DCDC2: variants seen among roughly 807,000 people sequenced by gnomAD.
DCDC2 encodes the protein doublecortin domain containing 2.
In DCDC2, 40 loss-of-function variants were observed where a neutral mutation model predicts 50.2. The observed-to-expected ratio is 0.80, with a 90% CI of 0.62 to 1.04. DCDC2 has a LOEUF of 1.04. Among genes scored for constraint, DCDC2 ranks in the 50% least tolerant of loss-of-function variants. DCDC2 has a pLI of 0.00. For synonymous variants in DCDC2, 234 were observed against 210.6 expected, an observed-to-expected ratio of 1.11 and a Z score of -0.96; for missense variants, 570 against 581.9, an observed-to-expected ratio of 0.98 and a Z score of 0.21.
At chr6:24,204,324 C>T (rs1335716079) in intron 8 of DCDC2, among the ~76,000 whole-genome samples, 5 of 152,134 alleles carry the variant, frequency 3.3e-5, no homozygotes, top group Non-Finnish European at 5.9e-5. Context: ...AGGATGTGTT[C>T]GTGTCTTTTG....
intron 7 of DCDC2, among the ~76,000 whole-genome samples, chr6:24,270,439 A>G (rs1219351254): frequency 6.6e-6 from 1 of 152,120 alleles, no homozygotes; most frequent in East Asian, 1.9e-4. Context: ...TTCAATTGTC[A>G]CCATAATATA....
At chr6:24,204,877 GC>G (rs1488847533) in intron 8 of DCDC2, 124 bp downstream of exon 8, 1 of 851,678 alleles carries the variant, frequency 1.2e-6, no homozygotes, top group Non-Finnish European at 1.8e-6. Context: ...AGGTTGATCA[GC>G]CACATAGTAC....
intron 7 of DCDC2, among the ~76,000 whole-genome samples, chr6:24,254,578 G>T (rs1762855042): frequency 6.6e-6 from 1 of 152,076 alleles, no homozygotes; most frequent in East Asian, 1.9e-4. Flanking sequence ...GCACATGGCT[G>T]CATAGTACAT....
At chr6:24,230,913 GC>G (rs780022797) in intron 7 of DCDC2, among the ~76,000 whole-genome samples, 4 of 152,162 alleles carry the variant, frequency 2.6e-5, no homozygotes, top group African/African-American at 4.8e-5. Flanking sequence ...GCTCTACCTA[GC>G]CCATTTAAAT....
At chr6:24,281,013 C>T (rs1431453505) in intron 6 of DCDC2, among the ~76,000 whole-genome samples, 1 of 152,078 alleles carries the variant, frequency 6.6e-6, no homozygotes, top group Admixed American at 6.5e-5. Context: ...CTGGGGAAAG[C>T]ATTACTCACA....
chr6:24,238,454 A>C (rs934139007), intron 7 of DCDC2, among the ~76,000 whole-genome samples: 3 of 151,326 alleles, frequency 2.0e-5, no homozygotes, highest in Admixed American at 6.6e-5. Flanking sequence ...ATGCACCACC[A>C]TGCCCAGCTA....
intron 8 of DCDC2, among the ~76,000 whole-genome samples, chr6:24,194,066 C>T (rs926214093): frequency 1.3e-4 from 19 of 151,990 alleles, no homozygotes; most frequent in Non-Finnish European, 2.8e-4. Flanking sequence ...AAGAACCAAG[C>T]ACCTCAGATG....
intron 7 of DCDC2, among the ~76,000 whole-genome samples, chr6:24,236,791 C>T (rs1331884104): frequency 6.6e-6 from 1 of 152,078 alleles, no homozygotes; most frequent in Non-Finnish European, 1.5e-5. Flanking sequence ...GGGTGGATCA[C>T]CTGAGGTCAG....
intron 9 of DCDC2, among the ~76,000 whole-genome samples, chr6:24,176,368 C>G (rs1296513263): frequency 2.6e-5 from 4 of 152,046 alleles, no homozygotes; most frequent in Non-Finnish European, 4.4e-5. Context: ...TATTTGAATT[C>G]CCAAGAATTT....
upstream of DCDC2, among the ~76,000 whole-genome samples, chr6:24,359,444 A>ATTATATATT (rs1561789647): frequency 4.4e-5 from 3 of 67,986 alleles, no homozygotes; most frequent in Non-Finnish European, 7.4e-5. Flanking sequence ...TATACTATAT[A>ATTATATATT]GTATATATAT....
chr6:24,376,281 A>G, the DCDC2 span, among the ~76,000 whole-genome samples: 1 of 152,318 alleles, frequency 6.6e-6, no homozygotes, highest in South Asian at 2.1e-4. Flanking sequence ...TTTGTACTGT[A>G]TGTAAAATGT....
intron 7 of DCDC2, among the ~76,000 whole-genome samples, chr6:24,257,818 A>G (rs1463881810): frequency 6.6e-6 from 1 of 152,174 alleles, no homozygotes; most frequent in Non-Finnish European, 1.5e-5. Flanking sequence ...CTTGGAGACC[A>G]TCTGGAAAAA....
chr6:24,181,072 T>C (rs1237087726), intron 8 of DCDC2, among the ~76,000 whole-genome samples: 1 of 152,180 alleles, frequency 6.6e-6, no homozygotes, highest in African/African-American at 2.4e-5. Flanking sequence ...ACCGTGAGCC[T>C]AGGCTGTTCA....
At chr6:24,291,859 G>T (rs1561761531) in intron 4 of DCDC2, among the ~76,000 whole-genome samples, 1 of 152,158 alleles carries the variant, frequency 6.6e-6, no homozygotes, top group Non-Finnish European at 1.5e-5. Flanking sequence ...TTCTGTGTAA[G>T]AACAGCCCTC....
At position 24,301,701 on chromosome 6, in the gene DCDC2, T is replaced by C. The variant is rs775645058; in HGVS notation, c.557+14A>G. ...TTCAAAAACTCCTCCACTTACAAGA[T>C]TGTTTTGACATACCTGTGAACAGCC... On this transcript the variant is annotated intron_variant, in intron 4 of 9. Coordinates refer to ENST00000378454, the MANE Select transcript of DCDC2 (RefSeq NM_016356.5). The C allele has an allele frequency of 2.7e-5, 43 of 1,611,864 alleles. 1 individual carries two copies. The South Asian group carries it at 4.3e-4, about 16-fold the overall frequency.
the DCDC2 span, among the ~76,000 whole-genome samples, chr6:24,366,521 G>T: frequency 6.6e-6 from 1 of 152,168 alleles, no homozygotes; most frequent in East Asian, 1.9e-4. Flanking sequence ...TATCTTCCAT[G>T]GGTCTTCTAG....
chr6:24,264,863 T>C (rs750246740), intron 7 of DCDC2, among the ~76,000 whole-genome samples: 5 of 151,018 alleles, frequency 3.3e-5, no homozygotes, highest in Non-Finnish European at 1.5e-5. Context: ...GACAATCTGT[T>C]ACCTACAAGA....
At chr6:24,274,605 C>CAAAAAAAAAAAAAAAAAAAAAAA (rs61569208) in intron 7 of DCDC2, among the ~76,000 whole-genome samples, 74 of 82,396 alleles carry the variant, frequency 9.0e-4, no homozygotes, top group African/African-American at 2.4e-3. Flanking sequence ...GAAACAGAGT[C>CAAAAAAAAAAAAAAAAAAAAAAA]AAAAAAAAAA....
chr6:24,330,641 G>A (rs544551180), intron 2 of DCDC2, among the ~76,000 whole-genome samples: 2 of 152,288 alleles, frequency 1.3e-5, no homozygotes, highest in African/African-American at 4.8e-5. Flanking sequence ...TCTCTTTCAA[G>A]ATTAGTATGT....
Sources: gnomAD v4.1 joint callset for allele counts (sites outside exome capture counted in the v4.1 genomes callset) on GRCh38, gnomAD v4.1.1 for gene constraint, MANE v1.5 for transcripts, NCBI Gene and HGNC (gene_info 2026-07-23, HGNC 2026-07-21) for gene names.